Variants in ZC3H12B observed in about 807,000 individuals in gnomAD.
ZC3H12B encodes the protein zinc finger CCCH-type containing 12B, also known as probable ribonuclease ZC3H12B.
Under a neutral mutation model 43.9 loss-of-function variants are expected in ZC3H12B, and 7 were observed. The ratio of observed to expected loss-of-function variants is 0.16; its 90% CI spans 0.09 to 0.30. The LOEUF is 0.30. Among genes scored for constraint, ZC3H12B ranks in the 10% least tolerant of loss-of-function variants. The pLI is 1.00. For synonymous variants in ZC3H12B, 222 were observed against 241.7 expected (o/e 0.92, Z 0.76); for missense variants, 475 against 670.2 (o/e 0.71, Z 3.22).
Position 65,461,961 on chromosome X carries a change from G to T in ZC3H12B, n.408-26685G>T, listed in dbSNP as rs189029383. ...TTAGTCATATAACCAAACACCACCT[G>T]ATCTCCAAAAACCTATAGAAATAAA... On this transcript the variant is annotated intron_variant and non_coding_transcript_variant, in intron 3 of 5. Transcript: ENST00000617377. Among the ~76,000 whole-genome samples, 571 of 108,682 alleles carry T rather than the reference G, an allele frequency of 5.3e-3. 3 individuals are homozygous for T. The highest frequency in any genetic ancestry group is 8.1e-3 in the Non-Finnish European group (421 of 52,171). 94.4% of individuals were successfully genotyped at this position (108,682 alleles called of 115,157 possible). A position where few individuals can be genotyped will look rare whatever the true frequency, so the allele number is the denominator to read the frequency against.
At chrX:65,240,069 T>C in the ZC3H12B span, among the ~76,000 whole-genome samples, 1 of 111,201 alleles carries the variant, frequency 9.0e-6, no homozygotes, top group African/African-American at 3.3e-5. Flanking sequence ...GATTTTCTTG[T>C]GGAGTTTCTG....
chrX:65,085,415 A>C, the ZC3H12B span, among the ~76,000 whole-genome samples: 1 of 111,297 alleles, frequency 9.0e-6, no homozygotes, highest in Non-Finnish European at 1.9e-5. Flanking sequence ...AAAAATTAAA[A>C]ATAAAAAAAA....
At chrX:65,090,787 C>T in the ZC3H12B span, among the ~76,000 whole-genome samples, 1 of 111,512 alleles carries the variant, frequency 9.0e-6, no homozygotes, top group Admixed American at 9.5e-5. Context: ...TTGTAATCCC[C>T]AGTATTGGAG....
At chrX:65,447,746 AAAT>A (rs1198344826) in intron 3 of ZC3H12B, among the ~76,000 whole-genome samples, 2 of 111,851 alleles carry the variant, frequency 1.8e-5, no homozygotes, top group African/African-American at 6.5e-5. Context: ...CAGCAAGAAA[AAAT>A]AATAATAATT....
the ZC3H12B span, among the ~76,000 whole-genome samples, chrX:65,275,096 C>G: frequency 8.9e-6 from 1 of 112,674 alleles, no homozygotes; most frequent in African/African-American, 3.2e-5. Context: ...CATCCAAGGA[C>G]TATAAGATGG....
At chrX:65,049,017 C>A in the ZC3H12B span, among the ~76,000 whole-genome samples, 1 of 110,721 alleles carries the variant, frequency 9.0e-6, no homozygotes, top group African/African-American at 3.3e-5. Flanking sequence ...ATATTATAAT[C>A]AGTTCATTTT....
At chrX:65,386,139 A>T (rs1180854729) in intron 2 of ZC3H12B, among the ~76,000 whole-genome samples, 3 of 111,768 alleles carry the variant, frequency 2.7e-5, no homozygotes, top group Non-Finnish European at 5.6e-5. Flanking sequence ...GACTTTGGTA[A>T]TCAGGATGTT....
At chrX:65,214,154 T>A in the ZC3H12B span, among the ~76,000 whole-genome samples, 1 of 111,280 alleles carries the variant, frequency 9.0e-6, no homozygotes, top group East Asian at 2.8e-4. Context: ...CCATCCTCAG[T>A]GTTAATGGCT....
At chrX:65,132,686 T>C in the ZC3H12B span, among the ~76,000 whole-genome samples, 2 of 111,390 alleles carry the variant, frequency 1.8e-5, no homozygotes, top group African/African-American at 6.5e-5. Flanking sequence ...GTTGTCCAAG[T>C]TCGCATCAGA....
chrX:65,466,703 C>A (rs1182194063), intron 3 of ZC3H12B, among the ~76,000 whole-genome samples: 1 of 105,086 alleles, frequency 9.5e-6, no homozygotes, highest in African/African-American at 3.4e-5. Flanking sequence ...CAAAGGTTCT[C>A]TTTTCTTCAC....
the ZC3H12B span, among the ~76,000 whole-genome samples, chrX:65,291,418 G>A: frequency 8.9e-6 from 1 of 112,042 alleles, no homozygotes; most frequent in Non-Finnish European, 1.9e-5. Context: ...TGGATGTATA[G>A]ATAAACAAAA....
chrX:65,179,084 A>T, the ZC3H12B span, among the ~76,000 whole-genome samples: 1 of 111,900 alleles, frequency 8.9e-6, no homozygotes, highest in Admixed American at 9.6e-5. Context: ...AGCCATAAAA[A>T]TGATGAGTTC....
chrX:65,152,435 AT>A, the ZC3H12B span, among the ~76,000 whole-genome samples: 1 of 111,528 alleles, frequency 9.0e-6, no homozygotes, highest in African/African-American at 3.3e-5. Context: ...TTATACACCA[AT>A]AACAGACAGA....
the ZC3H12B span, chrX:65,185,296 C>G: frequency 8.0e-5 from 9 of 111,979 alleles, no homozygotes; most frequent in Middle Eastern, 4.6e-3. Flanking sequence ...AAATAGCCAA[C>G]AAATAATGAC....
rs551590265 is a variant in ZC3H12B, at chrX:65,483,553, G to A, written n.408-5093G>A. On this transcript the variant is annotated intron_variant and non_coding_transcript_variant, in intron 3 of 5. Transcript: ENST00000617377. ...TTCTTTAACTGATGTGCTTGACACC[G>A]GGGATTGGAGATGGGCTATATAAGT... Among the ~76,000 whole-genome samples, 10 of 111,158 alleles carry A rather than the reference G, an allele frequency of 9.0e-5. 1 individual carries two copies. In the South Asian group the frequency reaches 3.0e-3, roughly 34 times the overall value.
intron 3 of ZC3H12B, among the ~76,000 whole-genome samples, chrX:65,456,463 C>T (rs2067614013): frequency 1.1e-5 from 1 of 91,019 alleles, no homozygotes; most frequent in Admixed American, 1.3e-4. Context: ...CCACAGTCTC[C>T]TTCCATGGTC....
the ZC3H12B span, among the ~76,000 whole-genome samples, chrX:65,308,134 C>T: frequency 9.1e-6 from 1 of 110,473 alleles, no homozygotes; most frequent in Admixed American, 9.7e-5. Flanking sequence ...ATATGATAGG[C>T]CACAAAACAA....
the ZC3H12B span, among the ~76,000 whole-genome samples, chrX:65,064,283 G>T: frequency 2.7e-5 from 3 of 111,893 alleles, no homozygotes; most frequent in Non-Finnish European, 5.6e-5. Flanking sequence ...TCTGATGTGG[G>T]TATTTAATGC....
the ZC3H12B span, among the ~76,000 whole-genome samples, chrX:65,318,016 C>T: frequency 9.2e-6 from 1 of 108,545 alleles, no homozygotes; most frequent in East Asian, 2.9e-4. Context: ...ATAATGACTT[C>T]TTTTCCTCTG....
Sources: gnomAD v4.1 joint callset for allele counts (sites outside exome capture counted in the v4.1 genomes callset) on GRCh38, gnomAD v4.1.1 for gene constraint, MANE v1.5 for transcripts, NCBI Gene and HGNC (gene_info 2026-07-23, HGNC 2026-07-21) for gene names.